VPS33B: variants seen among roughly 807,000 people sequenced by gnomAD.
VPS33B encodes vacuolar protein sorting-associated protein 33B.
VPS33B carries 80 observed loss-of-function variants against 95.3 expected under a neutral mutation model. That is an observed-to-expected ratio of 0.84 (90% CI 0.70 to 1.01). The LOEUF is 1.01. Ranked by LOEUF, VPS33B falls within the 50% of genes least tolerant of loss-of-function variation. The probability of loss-of-function intolerance (pLI) is 0.00; values close to 1 mark genes in which losing one functional copy is unlikely to be tolerated. For missense variants in VPS33B, 715 were observed against 773.4 expected (o/e 0.92, Z 0.90); for synonymous variants, 280 against 280.4 (o/e 1.00, Z 0.01).
At position 91,017,868 on chromosome 15, in the gene VPS33B, A is replaced by T. The variant is rs746019764; in HGVS notation, c.114T>A (p.Asp38Glu). Residue 38 changes from aspartate to glutamate, a missense_variant, in exon 2 of 23, where the codon GAT (aspartate) becomes GAA (glutamate). Physicochemically the swap from Asp to Glu is conservative, Grantham distance 45. Coordinates refer to ENST00000333371, the MANE Select transcript of VPS33B (RefSeq NM_018668.5). ...YLLEQLPGKKDLFIEADLMSP... is the reference protein window; with the variant it reads ...YLLEQLPGKKELFIEADLMSP... ...TCATGAGATCTGCCTCAATGAATAA[A>T]TCCTTTTTTCCAGGAAGCTGAAGGA... is the stretch of plus-strand genomic sequence containing the variant. 6.2e-7 allele frequency: 1 copy of T among 1,614,098 alleles called. No individual in the cohort carries two copies. The highest frequency in any genetic ancestry group is 8.5e-7 in the Non-Finnish European group (1 of 1,179,972).
Position 91,006,258 on chromosome 15 carries a change from G to T in VPS33B, c.852+114C>A. ...TGGTGGGGAAACCCTCTCTCCCATA[G>T]ACTCAGCCTCCCCTCTCAGAGCTGG... On this transcript the variant is annotated intron_variant, in intron 11 of 22. Transcript: ENST00000333371. This position sits in a 1 kb window ranked among gnomAD's most constrained non-coding sequence, Gnocchi z 5.4. 6.7e-7 allele frequency: 1 copy of T among 1,501,918 alleles called. No homozygotes were observed. Among genetic ancestry groups the T allele is most frequent in the African/African-American group, 1.4e-5 (1 of 72,840 alleles). 93.0% of individuals were successfully genotyped at this position (1,501,918 alleles called of 1,614,324 possible).
rs2041005931 is a variant in VPS33B at position 91,018,441 on chromosome 15, G to A, written c.97-556C>T. ...CGATCTCAATGTCTGTTCAGAGGAA[G>A]GAGAGGTCACAGTTAGTGACAGGGA... is the stretch of plus-strand genomic sequence containing the variant. On this transcript the variant is annotated intron_variant, in intron 1 of 22. Transcript: ENST00000333371. This position sits in a 1 kb window ranked among gnomAD's most constrained non-coding sequence, Gnocchi z 4.7. Among the ~76,000 whole-genome samples, 1 of 152,190 alleles carries A rather than the reference G, an allele frequency of 6.6e-6. No homozygotes were observed. The highest frequency in any genetic ancestry group is 2.1e-4 in the South Asian group (1 of 4,828).
chr15:91,001,466 G>T lies in VPS33B; in HGVS notation c.1406-4C>A. 1.9e-6 allele frequency: 3 copies of T among 1,613,774 alleles called. No homozygotes were observed. Among genetic ancestry groups the T allele is most frequent in the Non-Finnish European group, 2.5e-6 (3 of 1,179,748 alleles). On this transcript the variant is annotated splice_polypyrimidine_tract_variant and splice_region_variant and intron_variant, in intron 18 of 22. Transcript: ENST00000333371. ...CTGAAGGCATCAGTAATCTTTCCTG[G>T]GGAAGAAATCTGTGTCAGGTTTCAC...
Position 91,022,480 on chromosome 15 carries a change from C to T in VPS33B, c.-231G>A. The stretch of plus-strand genomic sequence containing the variant: ...TCTCAGACCTGCAGCCACCGTGTCT[C>T]GACCCTCCCTCCCTGATCCACTCTG... On this transcript the variant is annotated 5_prime_UTR_variant, in exon 1 of 23. Coordinates refer to ENST00000333371, the MANE Select transcript of VPS33B (RefSeq NM_018668.5). 2.2e-6 allele frequency: 1 copy of T among 464,244 alleles called. No homozygotes were observed. The highest frequency in any genetic ancestry group is 3.9e-6 in the Non-Finnish European group (1 of 256,818). 28.8% of individuals were successfully genotyped at this position (464,244 alleles called of 1,614,324 possible). A position where few individuals can be genotyped will look rare whatever the true frequency, so the allele number is the denominator to read the frequency against.
At position 91,004,177 on chromosome 15, in the gene VPS33B, C is replaced by T. The variant is rs953692924; in HGVS notation, c.1225+700G>A. Among the ~76,000 whole-genome samples the T allele has an allele frequency of 4.0e-5, 6 of 150,208 alleles. No homozygotes were observed. In the East Asian group the frequency reaches 1.2e-3, roughly 29 times the overall value. On this transcript the variant is annotated intron_variant, in intron 16 of 22. Coordinates refer to ENST00000333371, the MANE Select transcript of VPS33B (RefSeq NM_018668.5). ...GGTGGAGGTTGCAGTGAGCCGAGAT[C>T]GTGCCATTGCACTCCAGCCTAGGCA...
At chr15:91,012,506 G>A (rs191425712) in intron 5 of VPS33B, among the ~76,000 whole-genome samples, 5 of 152,268 alleles carry the variant, frequency 3.3e-5, no homozygotes, top group East Asian at 1.9e-4. Context: ...CTCAAGGGTG[G>A]ATTTTATCCA....
rs1414784202 is a variant in VPS33B at position 91,010,839 on chromosome 15, A to C, written c.358-993T>G. ...GTGTCAAATGCCAGGGAAGTTAAGTAGGATTAACATTAAATAGACACCAGT... is the reference window on the plus strand; with the variant it reads ...GTGTCAAATGCCAGGGAAGTTAAGTCGGATTAACATTAAATAGACACCAGT... On this transcript the variant is annotated intron_variant, in intron 5 of 22. Transcript: ENST00000333371. The surrounding 1 kb of genome is among the most constrained non-coding windows in gnomAD (Gnocchi z 5.7). Among the ~76,000 whole-genome samples the C allele has an allele frequency of 6.6e-6, 1 of 152,208 alleles. No homozygotes were observed. Among genetic ancestry groups the C allele is most frequent in the Non-Finnish European group, 1.5e-5 (1 of 68,034 alleles).
intron 2 of VPS33B, 140 bp downstream of exon 2, chr15:91,017,665 G>A (rs2040981781): frequency 3.8e-6 from 3 of 797,074 alleles, no homozygotes; most frequent in Admixed American, 4.8e-5. Context: ...AATACGAACA[G>A]CATCAATCTC....
In VPS33B at chr15:91,007,352, A is replaced by T; in HGVS notation, c.603+117T>A. 1.9e-6 allele frequency: 2 copies of T among 1,068,150 alleles called. No homozygotes were observed. Among genetic ancestry groups the T allele is most frequent in the Non-Finnish European group, 2.9e-6 (2 of 691,484 alleles). The allele number at this position is 1,068,150 out of a possible 1,614,324, so 66.2% of individuals were successfully genotyped here. A position where few individuals can be genotyped will look rare whatever the true frequency, so the allele number is the denominator to read the frequency against. On this transcript the variant is annotated intron_variant, in intron 8 of 22. Coordinates refer to ENST00000333371, the MANE Select transcript of VPS33B (RefSeq NM_018668.5). The surrounding 1 kb of genome is among the most constrained non-coding windows in gnomAD (Gnocchi z 5.3). The stretch of plus-strand genomic sequence containing the variant: ...CCTCTCTGAGGATCTATTCCAGAAC[A>T]ATGAAAGCAAAGTAAAGAATACACC...
Position 91,003,360 on chromosome 15 carries a change from G to A in VPS33B, c.1226-229C>T, listed in dbSNP as rs185892773. On this transcript the variant is annotated intron_variant, in intron 16 of 22. Transcript: ENST00000333371. ...GTGAAACATAAGGGTGCTGAGGAGG[G>A]GACACTGGAACTAACGGTGATCGTA... Among the ~76,000 whole-genome samples, 82 of 152,272 alleles carry A rather than the reference G, an allele frequency of 5.4e-4. 1 individual carries two copies. Among genetic ancestry groups the A allele is most frequent in the African/African-American group, 1.9e-3 (81 of 41,544 alleles).
Position 91,009,844 on chromosome 15 carries a change from G to A in VPS33B, c.360C>T (p.Phe120=), listed in dbSNP as rs2151674909. The A allele has an allele frequency of 6.2e-7, 1 of 1,614,094 alleles. No homozygotes were observed. The highest frequency in any genetic ancestry group is 8.5e-7 in the Non-Finnish European group (1 of 1,180,018). ...CCTCAAGCACCATCTCACACGCATA[G>A]AACTGAAAGAGAAAAGGAAATTGAT... The part of the protein sequence containing the change: ...KYKVIFSPQK[F]YACEMVLEEE... The change falls in exon 6 of 23, where the codon TTC becomes TTT. Residue 120 remains phenylalanine, a splice_region_variant and synonymous_variant. Transcript: ENST00000333371. The surrounding 1 kb of genome is among the most constrained non-coding windows in gnomAD (Gnocchi z 4.1).
intron 1 of VPS33B, among the ~76,000 whole-genome samples, chr15:91,021,126 A>C (rs550231046): frequency 1.2e-4 from 19 of 152,292 alleles, no homozygotes; most frequent in South Asian, 1.2e-3. Flanking sequence ...TTCAATGTTA[A>C]TACAACAAAT....
chr15:91,017,709 C>A, intron 2 of VPS33B, 96 bp downstream of exon 2: 1 of 1,167,686 alleles, frequency 8.6e-7, no homozygotes, highest in Non-Finnish European at 1.3e-6. Context: ...CCTATATTTG[C>A]CCTACAAGAG....
Position 91,002,661 on chromosome 15 carries a change from T to G in VPS33B, c.1272+424A>C, listed in dbSNP as rs932260733. ...AAAAAAAAAAAAAAAAGAAAAGAAATAATTAGCACCAAACAAAGAAGAATA... is the reference window on the plus strand; with the variant it reads ...AAAAAAAAAAAAAAAAGAAAAGAAAGAATTAGCACCAAACAAAGAAGAATA... On this transcript the variant is annotated intron_variant, in intron 17 of 22. Coordinates refer to ENST00000333371, the MANE Select transcript of VPS33B (RefSeq NM_018668.5). This position sits in a 1 kb window ranked among gnomAD's most constrained non-coding sequence, Gnocchi z 4.7. Among the ~76,000 whole-genome samples the G allele has an allele frequency of 9.9e-5, 14 of 141,846 alleles. No homozygotes were observed. The highest frequency in any genetic ancestry group is 2.2e-4 in the Non-Finnish European group (14 of 64,920). 93.1% of individuals were successfully genotyped at this position (141,846 alleles called of 152,430 possible).
At position 91,022,567 on chromosome 15, in the gene VPS33B, G is replaced by C; in HGVS notation, c.-318C>G. The stretch of plus-strand genomic sequence containing the variant: ...CTCCGCAGCGTACGAGGAGAACCCC[G>C]CCTTCTACCAGAAAAAGAAGCGACT... On this transcript the variant is annotated 5_prime_UTR_variant, in exon 1 of 23. Transcript: ENST00000333371. The C allele has an allele frequency of 4.0e-6, 1 of 248,552 alleles. No homozygotes were observed. The highest frequency in any genetic ancestry group is 7.6e-6 in the Non-Finnish European group (1 of 131,332). 15.4% of individuals were successfully genotyped at this position (248,552 alleles called of 1,614,324 possible). A position where few individuals can be genotyped will look rare whatever the true frequency, so the allele number is the denominator to read the frequency against.
rs139655526 is a variant in VPS33B, at chr15:91,004,895, A to G, written c.1207T>C (p.Leu403=). Residue 403 remains leucine, a synonymous_variant, in exon 16 of 23, where the codon TTG becomes CTG. Coordinates refer to ENST00000333371, the MANE Select transcript of VPS33B (RefSeq NM_018668.5). ...PIESLRLMCL[L]SITENGLIPK... ...GGCTCACCATTCTCAGTGATGGACA[A>G]AAGGCACATGAGGCGCAGGCTTTCT... is the stretch of plus-strand genomic sequence containing the variant. 114 of 1,614,220 alleles carry G rather than the reference A, an allele frequency of 7.1e-5. 1 individual carries two copies. In the African/African-American group the frequency reaches 1.2e-3, roughly 17 times the overall value.
rs2040867511 is a variant in VPS33B, at chr15:91,014,453, A to G, written c.240-20T>C. On this transcript the variant is annotated intron_variant, in intron 3 of 22. Coordinates refer to ENST00000333371, the MANE Select transcript of VPS33B (RefSeq NM_018668.5). ...CACAATCTATGAGAGAGAAAGAAAAAAAAACAGTGAAGAAGAATTATCAAG... is the reference window on the plus strand; with the variant it reads ...CACAATCTATGAGAGAGAAAGAAAAGAAAACAGTGAAGAAGAATTATCAAG... The G allele has an allele frequency of 6.2e-7, 1 of 1,613,510 alleles. No individual in the cohort carries two copies. The highest frequency in any genetic ancestry group is 1.1e-5 in the South Asian group (1 of 91,072).
In VPS33B at chr15:91,009,718, G is replaced by T; in HGVS notation, c.403+83C>A. On this transcript the variant is annotated intron_variant, in intron 6 of 22. Coordinates refer to ENST00000333371, the MANE Select transcript of VPS33B (RefSeq NM_018668.5). This position sits in a 1 kb window ranked among gnomAD's most constrained non-coding sequence, Gnocchi z 4.1. ...AAAAGAAGGAGCTGGTGGTGGGGGT[G>T]GGGTGGGGGGGTTGGAGAACAACAA... is the stretch of plus-strand genomic sequence containing the variant. 1 of 1,407,116 alleles carries T rather than the reference G, an allele frequency of 7.1e-7. No homozygotes were observed. Among genetic ancestry groups the T allele is most frequent in the Non-Finnish European group, 9.9e-7 (1 of 1,013,364 alleles). The allele number at this position is 1,407,116 out of a possible 1,614,324, so 87.2% of individuals were successfully genotyped here.
chr15:91,014,174 G>A (rs1348817690), intron 4 of VPS33B, among the ~76,000 whole-genome samples: 4 of 147,938 alleles, frequency 2.7e-5, no homozygotes, highest in African/African-American at 7.6e-5. Flanking sequence ...AGCCGAGATC[G>A]TGCCATTGCA....
Sources: allele counts gnomAD v4.1 joint callset (sites outside exome capture counted in the v4.1 genomes callset), GRCh38; gene constraint gnomAD v4.1.1; non-coding constraint Gnocchi (gnomAD v3.1); transcripts MANE v1.5; gene names NCBI Gene and HGNC (gene_info 2026-07-23, HGNC 2026-07-21).